TMC7: variants seen among roughly 807,000 people sequenced by gnomAD.
TMC7 encodes the protein transmembrane channel-like protein 7.
In TMC7, 54 loss-of-function variants were observed where a neutral mutation model predicts 82.9. The ratio of observed to expected loss-of-function variants is 0.65; its 90% CI spans 0.52 to 0.82. The LOEUF (loss-of-function observed/expected upper bound fraction) is 0.82, where lower values mean the gene tolerates loss of function less well. Ranked by LOEUF, TMC7 falls within the 40% of genes least tolerant of loss-of-function variation. The probability of loss-of-function intolerance (pLI) is 0.00; values close to 1 mark genes in which losing one functional copy is unlikely to be tolerated. For synonymous variants in TMC7, 350 were observed against 337.9 expected, an observed-to-expected ratio of 1.04 and a Z score of -0.39; for missense variants, 820 against 901.2, an observed-to-expected ratio of 0.91 and a Z score of 1.15.
intron 4 of TMC7, 70 bp from the exon 5 acceptor site, chr16:19,023,043 A>T: frequency 1.1e-6 from 1 of 947,752 alleles, no homozygotes; most frequent in East Asian, 2.6e-5. Context: ...AAACAAACAA[A>T]CAAAAAAACC....
At chr16:18,988,152 CTT>C (rs1267156680) in intron 1 of TMC7, among the ~76,000 whole-genome samples, 2 of 143,702 alleles carry the variant, frequency 1.4e-5, no homozygotes, top group African/African-American at 5.3e-5. Context: ...TTTCTTCTCT[CTT>C]TCTTTTTTTT....
At chr16:18,987,373 C>T (rs146819718) in intron 1 of TMC7, among the ~76,000 whole-genome samples, 7,672 of 152,128 alleles carry the variant, frequency 0.05, 273 homozygotes, top group Non-Finnish European at 0.071. Flanking sequence ...TGCAGTAGCG[C>T]GATCTCGGCT....
chr16:19,001,890 C>T (rs1322714627), intron 1 of TMC7, among the ~76,000 whole-genome samples: 1 of 152,152 alleles, frequency 6.6e-6, no homozygotes, highest in Non-Finnish European at 1.5e-5. Flanking sequence ...GAACTAATTC[C>T]CATAGCAGCT....
intron 8 of TMC7, 73 bp downstream of exon 8, chr16:19,038,120 A>T (rs79413829): frequency 6.9e-7 from 1 of 1,440,068 alleles, no homozygotes; most frequent in African/African-American, 1.4e-5. Context: ...TACCATCGTC[A>T]TTTCTGTTTT....
At chr16:19,023,254 T>A in intron 5 of TMC7, 59 bp downstream of exon 5, 1 of 1,193,172 alleles carries the variant, frequency 8.4e-7, no homozygotes, top group Non-Finnish European at 1.2e-6. Flanking sequence ...TTGATTGATT[T>A]AAAGATCAGT....
intron 6 of TMC7, among the ~76,000 whole-genome samples, chr16:19,031,113 C>T (rs1026674871): frequency 6.6e-6 from 1 of 152,160 alleles, no homozygotes; most frequent in Non-Finnish European, 1.5e-5. Context: ...AAGAATCCCT[C>T]GTCTTCAATT....
At chr16:18,990,700 G>A (rs1256432251) in intron 1 of TMC7, among the ~76,000 whole-genome samples, 1 of 152,150 alleles carries the variant, frequency 6.6e-6, no homozygotes, top group African/African-American at 2.4e-5. Context: ...CAATGTTTTC[G>A]GGGCAGGAGG....
intron 9 of TMC7, among the ~76,000 whole-genome samples, chr16:19,044,005 G>T (rs139889795): frequency 1.6e-3 from 243 of 152,006 alleles, no homozygotes; most frequent in South Asian, 5.6e-3. Context: ...AACTAGCTGG[G>T]ACTACAGGCG....
In TMC7 at chr16:19,047,148, A is replaced by T. The variant is rs745611607; in HGVS notation, c.1639A>T (p.Ile547Leu). The change falls in exon 12 of 16, where the codon ATA (isoleucine) becomes TTA (leucine). Residue 547 changes from isoleucine (I) to leucine (L), a missense_variant. Coordinates refer to ENST00000304381, the MANE Select transcript of TMC7 (RefSeq NM_024847.4). The stretch of plus-strand genomic sequence containing the variant: ...TGCCATTCCTGATAACGTCCTGGGG[A>T]TAGTTTACGGGCAAACCATCTGCTG... ...EFAIPDNVLG[I>L]VYGQTICWIG... The T allele has an allele frequency of 1.9e-6, 3 of 1,613,926 alleles. No individual in the cohort carries two copies. The highest frequency in any genetic ancestry group is 8.5e-7 in the Non-Finnish European group (1 of 1,180,008).
intron 2 of TMC7, among the ~76,000 whole-genome samples, chr16:19,013,409 G>T (rs1471567262): frequency 6.6e-6 from 1 of 151,058 alleles, no homozygotes; most frequent in African/African-American, 2.4e-5. Flanking sequence ...TAGAGACAGG[G>T]TTTCTCCATG....
chr16:19,021,730 C>A lies in TMC7; in HGVS notation c.562C>A (p.Pro188Thr). The A allele has an allele frequency of 6.2e-7, 1 of 1,614,034 alleles. No homozygotes were observed. The highest frequency in any genetic ancestry group is 8.5e-7 in the Non-Finnish European group (1 of 1,179,994). Residue 188 changes from proline to threonine, a missense_variant, in exon 4 of 16, where the codon CCA becomes ACA. Physicochemically the swap from Pro to Thr is conservative, Grantham distance 38. Around this residue, in one of 2 missense-constraint regions of TMC7, gnomAD observed 650 missense variants for 669.9 expected, o/e 0.97. Coordinates refer to ENST00000304381, the MANE Select transcript of TMC7 (RefSeq NM_024847.4). ...FLIIFMLVLL[P>T]VLLTKYKITN... ...GATCATCTTTATGCTGGTTTTGCTC[C>A]CAGTCTTACTCACGAAATACAAGAT...
At chr16:19,010,209 C>T (rs1337114166) in intron 2 of TMC7, among the ~76,000 whole-genome samples, 3 of 142,146 alleles carry the variant, frequency 2.1e-5, no homozygotes, top group Non-Finnish European at 3.0e-5. Flanking sequence ...GGCTGGAGTG[C>T]AATGGCATGA....
Position 18,983,974 on chromosome 16 carries a change from C to G in TMC7, c.-90C>G. ...ATGTCAGCGCCGGAACCTGGAATCC[C>G]GGCTCCGCGAGGGAAGGCCGGGGAG... On this transcript the variant is annotated 5_prime_UTR_variant, in exon 1 of 16. Coordinates refer to ENST00000304381, the MANE Select transcript of TMC7 (RefSeq NM_024847.4). The G allele has an allele frequency of 2.3e-6, 3 of 1,293,908 alleles. No individual in the cohort carries two copies. The highest frequency in any genetic ancestry group is 3.0e-6 in the Non-Finnish European group (3 of 1,011,522). The allele number at this position is 1,293,908 out of a possible 1,614,324, so 80.2% of individuals were successfully genotyped here.
rs748125278 is a variant in TMC7, at chr16:19,035,773, A to G, written c.955A>G (p.Asn319Asp). The change falls in exon 7 of 16, where the codon AAC (asparagine) becomes GAC (aspartate). Residue 319 changes from asparagine (N) to aspartate (D), a missense_variant. Asn to Asp is a conservative substitution (Grantham distance 23). This residue lies in a region of TMC7 where 650 missense variants were observed against 669.9 expected (regional missense o/e 0.97). Transcript: ENST00000304381. ...IFAGWDFCIT[N>D]RSMADLKHSS... Reference sequence around the variant, plus strand: ...TGCCGGCTGGGACTTCTGCATCACTAACCGCAGCATGGCGGATCTGAAGCA... The same window carrying G: ...TGCCGGCTGGGACTTCTGCATCACTGACCGCAGCATGGCGGATCTGAAGCA... 5.0e-6 allele frequency: 8 copies of G among 1,612,680 alleles called. No homozygotes were observed. In the South Asian group the frequency reaches 8.8e-5, roughly 18 times the overall value.
rs754453392 is a variant in TMC7 at position 19,016,586 on chromosome 16, C to G, written c.448C>G (p.Arg150Gly). The G allele has an allele frequency of 6.2e-7, 1 of 1,613,492 alleles. No homozygotes were observed. The highest frequency in any genetic ancestry group is 1.1e-5 in the South Asian group (1 of 91,030). ...THLELWREDIRSIEGKFGTGI... is the reference protein window; with the variant it reads ...THLELWREDIGSIEGKFGTGI... ...CCTGGAGCTGTGGCGGGAGGACATC[C>G]GCAGCATAGAAGGTATGCTGTCCTC... is the stretch of plus-strand genomic sequence containing the variant. The change falls in exon 3 of 16, where the codon CGC (arginine) becomes GGC (glycine). Residue 150 changes from arginine to glycine, a missense_variant. By Grantham distance (125) the Arg-to-Gly change is moderately radical. Transcript: ENST00000304381.
chr16:18,995,832 C>G (rs1394121392), intron 1 of TMC7, among the ~76,000 whole-genome samples: 1 of 152,044 alleles, frequency 6.6e-6, no homozygotes, highest in African/African-American at 2.4e-5. Context: ...GGAGCTTTTT[C>G]CAATGTCAGG....
At chr16:19,024,288 G>T (rs1027430993) in intron 5 of TMC7, among the ~76,000 whole-genome samples, 1 of 152,078 alleles carries the variant, frequency 6.6e-6, no homozygotes, top group Non-Finnish European at 1.5e-5. Context: ...GGGCGTGGTG[G>T]CGTGCACCTG....
rs1596736923 is a variant in TMC7, at chr16:19,009,544, C to G, written c.311+129C>G. ...TTATTCCTTAGGGTAAGCTAAGCCT[C>G]TTTGACAAACATACCTGAATTTTCT... On this transcript the variant is annotated intron_variant, in intron 2 of 15. Transcript: ENST00000304381. 6 of 1,185,824 alleles carry G rather than the reference C, an allele frequency of 5.1e-6. No homozygotes were observed. The East Asian group carries it at 1.2e-4, about 24-fold the overall frequency. 73.5% of individuals were successfully genotyped at this position (1,185,824 alleles called of 1,614,324 possible). A position where few individuals can be genotyped will look rare whatever the true frequency, so the allele number is the denominator to read the frequency against.
intron 15 of TMC7, 76 bp from the exon 16 acceptor site, chr16:19,061,702 G>A: frequency 7.8e-7 from 1 of 1,285,796 alleles, no homozygotes; most frequent in Non-Finnish European, 1.1e-6. Flanking sequence ...AGAATCCTCA[G>A]CCCTCAGTCT....
Sources: allele counts gnomAD v4.1 joint callset (sites outside exome capture counted in the v4.1 genomes callset), GRCh38; gene constraint gnomAD v4.1.1; regional missense constraint gnomAD v4.1.1; transcripts MANE v1.5; gene names NCBI Gene and HGNC (gene_info 2026-07-23, HGNC 2026-07-21).